The following UNC13A variants were observed in gnomAD, a reference collection of about 807,000 sequenced individuals.
UNC13A encodes protein unc-13 homolog A.
A neutral mutation model predicts 219.7 loss-of-function variants in UNC13A; 61 were observed. The observed-to-expected ratio is 0.28, with a 90% CI of 0.23 to 0.34. UNC13A has a LOEUF of 0.34. Ranked by LOEUF, UNC13A falls within the 10% of genes least tolerant of loss-of-function variation. UNC13A has a pLI of 1.00. For missense variants in UNC13A, 1,476 were observed against 2,270.3 expected (o/e 0.65, Z 7.11); for synonymous variants, 920 against 884.6 (o/e 1.04, Z -0.71).
chr19:17,608,063 A>T, intron 43 of UNC13A, among the ~76,000 whole-genome samples: 1 of 146,146 alleles, frequency 6.8e-6, no homozygotes, highest in Non-Finnish European at 1.5e-5. Context: ...TGTATTTTTT[A>T]TTTTTTTGAG....
Position 17,618,916 on chromosome 19 carries a change from G to C in UNC13A, c.4319C>G (p.Ser1440Cys). The C allele has an allele frequency of 6.2e-7, 1 of 1,613,948 alleles. No homozygotes were observed. The highest frequency in any genetic ancestry group is 8.5e-7 in the Non-Finnish European group (1 of 1,179,876). ...ATCCCCACTCCTCACCTTGAGTTTG[G>C]ACAGCTGACCCAGCTCCTTGGCTGC... ...FNAAKELGQL[S>C]KLKDHMVREE... The change falls in exon 39 of 44, where the codon TCC becomes TGC. Residue 1440 changes from serine (S) to cysteine (C), a missense_variant. Physicochemically the swap from Ser to Cys is moderately radical, Grantham distance 112. Coordinates refer to ENST00000519716, the MANE Select transcript of UNC13A (RefSeq NM_001080421.3).
intron 9 of UNC13A, 57 bp from the exon 10 acceptor site, chr19:17,656,455 C>A: frequency 6.9e-7 from 1 of 1,439,040 alleles, no homozygotes. Flanking sequence ...CCCACCTGAG[C>A]CCCAGTCACA....
At chr19:17,639,552 G>A (rs1392253349) in intron 23 of UNC13A, 27 bp from the exon 24 acceptor site, 1 of 1,607,400 alleles carries the variant, frequency 6.2e-7, no homozygotes, top group Non-Finnish European at 8.5e-7. Context: ...GAGATGTGGG[G>A]TTATGGAAGA....
Position 17,647,350 on chromosome 19 carries a change from C to G in UNC13A, c.1959G>C (p.Lys653Asn). The G allele has an allele frequency of 6.2e-7, 1 of 1,613,410 alleles. No homozygotes were observed. Among genetic ancestry groups the G allele is most frequent in the Non-Finnish European group, 8.5e-7 (1 of 1,179,732 alleles). ...CCTTCATCTGCTGCGTGTGCGCCGTCTTGGTCACCGCGAAGATCTCCTGGA... is the reference window on the plus strand; with the variant it reads ...CCTTCATCTGCTGCGTGTGCGCCGTGTTGGTCACCGCGAAGATCTCCTGGA... Reference protein sequence around the residue: ...ELIQEIFAVTKTAHTQQMKAV... With the variant: ...ELIQEIFAVTNTAHTQQMKAV... Residue 653 changes from lysine to asparagine, a missense_variant, in exon 17 of 44, where the codon AAG (lysine) becomes AAC (asparagine). Around this residue, in one of 14 missense-constraint regions of UNC13A, gnomAD observed 34 missense variants for 38.7 expected, o/e 0.88. Coordinates refer to ENST00000519716, the MANE Select transcript of UNC13A (RefSeq NM_001080421.3).
chr19:17,681,543 C>T (rs8108534), intron 1 of UNC13A, among the ~76,000 whole-genome samples: 1 of 152,080 alleles, frequency 6.6e-6, no homozygotes, highest in South Asian at 2.1e-4. Flanking sequence ...CCAGACTGAG[C>T]CTTCAGTGTA....
At position 17,611,839 on chromosome 19, in the gene UNC13A, G is replaced by T; in HGVS notation, c.4575C>A (p.Asp1525Glu). ...TQSAQGLGVEDPVGEVSVHVE... is the reference protein window; with the variant it reads ...TQSAQGLGVEEPVGEVSVHVE... The stretch of plus-strand genomic sequence containing the variant: ...CATGGACAGAGACTTCACCCACAGG[G>T]TCTTCTACACCCAAGCCTGGGCAGG... Residue 1525 changes from aspartate (D) to glutamate (E), a missense_variant, in exon 42 of 44, where the codon GAC becomes GAA. Asp to Glu is a conservative substitution (Grantham distance 45). Around this residue, in one of 14 missense-constraint regions of UNC13A, gnomAD observed 77 missense variants for 94.8 expected, o/e 0.81. Coordinates refer to ENST00000519716, the MANE Select transcript of UNC13A (RefSeq NM_001080421.3). 1 of 1,614,036 alleles carries T rather than the reference G, an allele frequency of 6.2e-7. No individual in the cohort carries two copies. The highest frequency in any genetic ancestry group is 8.5e-7 in the Non-Finnish European group (1 of 1,179,914).
chr19:17,652,820 C>A, intron 11 of UNC13A, 143 bp from the exon 12 acceptor site: 1 of 836,456 alleles, frequency 1.2e-6, no homozygotes, highest in Non-Finnish European at 1.9e-6. Flanking sequence ...TTAGGAAGCT[C>A]CGTGGCTATC....
intron 1 of UNC13A, 127 bp from the exon 2 acceptor site, chr19:17,676,168 A>G: frequency 9.7e-7 from 1 of 1,027,464 alleles, no homozygotes; most frequent in Non-Finnish European, 1.5e-6. Flanking sequence ...GAGGAGAGAC[A>G]GGCAAAGATA....
chr19:17,640,665 G>A lies in UNC13A; in HGVS notation c.2637-4C>T, dbSNP rs377263504. 8 of 1,578,052 alleles carry A rather than the reference G, an allele frequency of 5.1e-6. No homozygotes were observed. Among genetic ancestry groups the A allele is most frequent in the Non-Finnish European group, 6.9e-6 (8 of 1,163,004 alleles). On this transcript the variant is annotated splice_polypyrimidine_tract_variant and splice_region_variant and intron_variant, in intron 21 of 43. Transcript: ENST00000519716. ...GGAGGAGAGGCAGGCAAAGTGGCTGGAGAGAGGGAGCAGGAGGCACTAGGC... is the reference window on the plus strand; with the variant it reads ...GGAGGAGAGGCAGGCAAAGTGGCTGAAGAGAGGGAGCAGGAGGCACTAGGC...
At chr19:17,668,025 G>A (rs181028626) in intron 6 of UNC13A, 92 bp downstream of exon 6, 25,338 of 1,339,686 alleles carry the variant, frequency 0.019, 319 homozygotes, top group Non-Finnish European at 0.023. Flanking sequence ...GGAAAGACAA[G>A]CTTAGAGAGA....
chr19:17,654,103 A>G (rs2079405561), intron 11 of UNC13A, among the ~76,000 whole-genome samples: 1 of 152,136 alleles, frequency 6.6e-6, no homozygotes, highest in East Asian at 1.9e-4. Flanking sequence ...CTGGGATTAC[A>G]GGCTTGAGCA....
rs2079425155 is a variant in UNC13A at position 17,655,151 on chromosome 19, G to C, written c.1392+123C>G. On this transcript the variant is annotated intron_variant, in intron 11 of 43. Coordinates refer to ENST00000519716, the MANE Select transcript of UNC13A (RefSeq NM_001080421.3). ...CACTGGGCATGCCCAGGCTAGGCTT[G>C]GGTACGGGTGGGGTGTTGGGCGTGG... 5 of 793,562 alleles carry C rather than the reference G, an allele frequency of 6.3e-6. No homozygotes were observed. In the East Asian group the frequency reaches 8.0e-5, roughly 13 times the overall value. 49.2% of individuals were successfully genotyped at this position (793,562 alleles called of 1,614,324 possible).
chr19:17,662,592 A>C (rs2079569425), intron 8 of UNC13A, among the ~76,000 whole-genome samples: 1 of 152,212 alleles, frequency 6.6e-6, no homozygotes, highest in African/African-American at 2.4e-5. Context: ...CCTTGTGTCA[A>C]AAAGGTTGGG....
chr19:17,653,868 C>T (rs1403340868), intron 11 of UNC13A, among the ~76,000 whole-genome samples: 1 of 146,982 alleles, frequency 6.8e-6, no homozygotes, highest in African/African-American at 2.5e-5. Flanking sequence ...GCTCTGTCAC[C>T]CAGGCTGGTG....
rs769492348 is a variant in UNC13A, at chr19:17,601,564, A to G, written c.*4490T>C. 2 of 152,424 alleles carry G rather than the reference A, an allele frequency of 1.3e-5. No individual in the cohort carries two copies. The highest frequency in any genetic ancestry group is 2.9e-5 in the Non-Finnish European group (2 of 68,028). 9.4% of individuals were successfully genotyped at this position (152,424 alleles called of 1,614,324 possible). A position where few individuals can be genotyped will look rare whatever the true frequency, so the allele number is the denominator to read the frequency against. On this transcript the variant is annotated 3_prime_UTR_variant, in exon 44 of 44. Transcript: ENST00000519716. ...AAAACAAAAAACAAACAACGTTTTG[A>G]TTTCACATCTGCAATCACATGCTAA...
In UNC13A at chr19:17,642,964, C is replaced by A; in HGVS notation, c.2357-4G>T. ...GCAGATTTGTCAGTTCGCTTGTCTG[C>A]AGGGCAGAAAAAGAAGACAGTGTCA... On this transcript the variant is annotated splice_region_variant and splice_polypyrimidine_tract_variant and intron_variant, in intron 19 of 43. Coordinates refer to ENST00000519716, the MANE Select transcript of UNC13A (RefSeq NM_001080421.3). 1 of 1,597,578 alleles carries A rather than the reference C, an allele frequency of 6.3e-7. No individual in the cohort carries two copies. Among genetic ancestry groups the A allele is most frequent in the South Asian group, 1.1e-5 (1 of 88,506 alleles).
intron 3 of UNC13A, among the ~76,000 whole-genome samples, chr19:17,673,018 A>T (rs191205453): frequency 1.3e-5 from 2 of 152,318 alleles, no homozygotes; most frequent in Non-Finnish European, 2.9e-5. Context: ...GAAATGTGAG[A>T]TTCACTGAAT....
chr19:17,671,693 G>A (rs1003320480), intron 4 of UNC13A, among the ~76,000 whole-genome samples: 10 of 152,096 alleles, frequency 6.6e-5, no homozygotes, highest in Admixed American at 6.5e-5. Flanking sequence ...AGGATCACTT[G>A]AGCCTGGGAA....
chr19:17,682,730 G>A (rs560716486), intron 1 of UNC13A, among the ~76,000 whole-genome samples: 2 of 152,284 alleles, frequency 1.3e-5, no homozygotes, highest in East Asian at 3.9e-4. Context: ...GATGAATGGA[G>A]AGATTGTGAC....
Sources: gnomAD v4.1 joint callset for allele counts (sites outside exome capture counted in the v4.1 genomes callset) on GRCh38, gnomAD v4.1.1 for gene constraint, gnomAD v4.1.1 regional missense constraint, MANE v1.5 for transcripts, NCBI Gene and HGNC (gene_info 2026-07-23, HGNC 2026-07-21) for gene names.